TG: variants seen among roughly 807,000 people sequenced by gnomAD.
TG encodes the protein thyroid hormones.
A neutral mutation model predicts 324.7 loss-of-function variants in TG; 270 were observed. The ratio of observed to expected loss-of-function variants is 0.83; its 90% CI spans 0.75 to 0.92. TG has a LOEUF of 0.92. Among genes scored for constraint, TG ranks in the 40% least tolerant of loss-of-function variants. TG has a pLI of 0.00. For missense variants in TG, 3,591 were observed against 3,456.4 expected (o/e 1.04, Z -0.98); for synonymous variants, 1,401 against 1,327.0 (o/e 1.06, Z -1.21).
In TG at chr8:132,988,919, G is replaced by A. The variant is rs189710775; in HGVS notation, c.6262+5507G>A. On this transcript the variant is annotated intron_variant, in intron 35 of 47. Transcript: ENST00000220616. ...GAGGTGTGTATTAGTTCATTTTCAC[G>A]TTGCTCATAAAGACATACCCGAGAC... The A allele has an allele frequency of 1.1e-5, 11 of 983,628 alleles. No homozygotes were observed. In the South Asian group the frequency reaches 1.9e-4, roughly 17 times the overall value. 60.9% of individuals were successfully genotyped at this position (983,628 alleles called of 1,614,324 possible). A position where few individuals can be genotyped will look rare whatever the true frequency, so the allele number is the denominator to read the frequency against.
intron 13 of TG, 80 bp from the exon 14 acceptor site, chr8:132,898,718 A>C: frequency 8.1e-7 from 1 of 1,241,678 alleles, no homozygotes; most frequent in Non-Finnish European, 1.2e-6. Context: ...CATGACCCTT[A>C]AAGGTGGGGT....
intron 41 of TG, among the ~76,000 whole-genome samples, chr8:133,066,876 G>T (rs1231048983): frequency 6.6e-6 from 1 of 152,192 alleles, no homozygotes; most frequent in Non-Finnish European, 1.5e-5. Flanking sequence ...TGCAGGGGCT[G>T]GGGGGTTGGC....
intron 27 of TG, among the ~76,000 whole-genome samples, chr8:132,951,187 A>C (rs1006389261): frequency 5.3e-5 from 8 of 152,166 alleles, no homozygotes; most frequent in African/African-American, 1.7e-4. Context: ...CATATTTTAA[A>C]AACTGAATTG....
rs769161401 is a variant in TG, at chr8:132,900,234, C to T, written c.3331-3C>T. 3.1e-6 allele frequency: 5 copies of T among 1,613,596 alleles called. No individual in the cohort carries two copies. Among genetic ancestry groups the T allele is most frequent in the East Asian group, 2.2e-5 (1 of 44,872 alleles). On this transcript the variant is annotated splice_region_variant and splice_polypyrimidine_tract_variant and intron_variant, in intron 14 of 47. Coordinates refer to ENST00000220616, the MANE Select transcript of TG (RefSeq NM_003235.5). ...GACTGACATGACCCCGGCTTTGTCT[C>T]AGACAGGAGAGTATGCCAGGCTGCA... is the stretch of plus-strand genomic sequence containing the variant.
chr8:132,937,354 G>A (rs943619819), intron 25 of TG, among the ~76,000 whole-genome samples: 2 of 152,192 alleles, frequency 1.3e-5, no homozygotes, highest in African/African-American at 2.4e-5. Flanking sequence ...TAGCAATTGC[G>A]AGCCCACAGC....
At chr8:132,932,494 A>C (rs1434729727) in intron 23 of TG, among the ~76,000 whole-genome samples, 2 of 152,230 alleles carry the variant, frequency 1.3e-5, no homozygotes, top group East Asian at 3.8e-4. Flanking sequence ...TCCCATCTCT[A>C]AATTTACCTC....
In TG at chr8:133,054,526, C is replaced by T. The variant is rs760309221; in HGVS notation, c.7239+24503C>T. Among the ~76,000 whole-genome samples the T allele has an allele frequency of 2.0e-4, 30 of 152,290 alleles. 1 individual carries two copies. The highest frequency in any genetic ancestry group is 2.4e-5 in the African/African-American group (1 of 41,566). On this transcript the variant is annotated intron_variant, in intron 41 of 47. Coordinates refer to ENST00000220616, the MANE Select transcript of TG (RefSeq NM_003235.5). ...AGGATTGAGTGAAGGATTCAGGATG[C>T]ATTGCATTTTAGGGCCTGCCTTAGT...
At chr8:132,946,553 C>T (rs1421832703) in intron 26 of TG, among the ~76,000 whole-genome samples, 2 of 152,158 alleles carry the variant, frequency 1.3e-5, no homozygotes, top group South Asian at 2.1e-4. Context: ...CATCCTTTAC[C>T]ACAGTCTGGA....
At position 132,933,585 on chromosome 8, in the gene TG, G is replaced by T. The variant is rs1823121703; in HGVS notation, c.4841G>T (p.Ser1614Ile). Residue 1614 changes from serine (S) to isoleucine (I), a missense_variant, in exon 24 of 48, where the codon AGC becomes ATC. Coordinates refer to ENST00000220616, the MANE Select transcript of TG (RefSeq NM_003235.5). The part of the protein sequence containing the change: ...LTDCTEDEAC[S>I]FFTVSTTEPE... ...GATTGCACAGAGGACGAGGCCTGCAGCTTCTTCACCGTGTCCACGACGGAG... is the reference window on the plus strand; with the variant it reads ...GATTGCACAGAGGACGAGGCCTGCATCTTCTTCACCGTGTCCACGACGGAG... 7 of 1,614,012 alleles carry T rather than the reference G, an allele frequency of 4.3e-6. No homozygotes were observed. The highest frequency in any genetic ancestry group is 1.3e-5 in the African/African-American group (1 of 74,880).
chr8:132,896,566 C>T (rs1053960900), intron 11 of TG, among the ~76,000 whole-genome samples: 2 of 152,148 alleles, frequency 1.3e-5, no homozygotes, highest in Admixed American at 1.3e-4. Context: ...GGAGAAAGAG[C>T]TCAGGCGACA....
intron 39 of TG, 78 bp downstream of exon 39, chr8:133,019,773 C>G: frequency 7.9e-7 from 1 of 1,259,176 alleles, no homozygotes; most frequent in Non-Finnish European, 1.1e-6. Flanking sequence ...GTGGCCAGCA[C>G]AGTTCAGTCT....
chr8:133,057,336 T>C (rs906315766), intron 41 of TG, among the ~76,000 whole-genome samples: 7 of 152,216 alleles, frequency 4.6e-5, no homozygotes, highest in African/African-American at 1.7e-4. Flanking sequence ...GTACTGCCCA[T>C]GTCTGGTACA....
chr8:132,893,865 G>A lies in TG; in HGVS notation c.2937G>A (p.Arg979=), dbSNP rs566642935. 3 of 1,614,072 alleles carry A rather than the reference G, an allele frequency of 1.9e-6. No homozygotes were observed. The highest frequency in any genetic ancestry group is 2.2e-5 in the East Asian group (1 of 44,888). ...GCCTTCCTCCGCTCTTCCCGCCCCG[G>A]GAGGCTTTCGCGGAGCAGTTTCTGC... is the stretch of plus-strand genomic sequence containing the variant. The part of the protein sequence containing the change: ...DLGLPPLFPP[R]EAFAEQFLRG... Residue 979 remains arginine (R), a synonymous_variant, in exon 11 of 48, where the codon CGG becomes CGA. Transcript: ENST00000220616.
At chr8:132,999,645 G>A (rs1833253444) in intron 35 of TG, among the ~76,000 whole-genome samples, 1 of 152,206 alleles carries the variant, frequency 6.6e-6, no homozygotes, top group Non-Finnish European at 1.5e-5. Flanking sequence ...GCCTAGGAGT[G>A]AAGAATAGGC....
At chr8:132,889,216 G>T (rs1299787405) in intron 10 of TG, among the ~76,000 whole-genome samples, 1 of 152,196 alleles carries the variant, frequency 6.6e-6, no homozygotes, top group Non-Finnish European at 1.5e-5. Flanking sequence ...CCCCTCAGCT[G>T]TGCCAGCAGT....
intron 43 of TG, among the ~76,000 whole-genome samples, chr8:133,108,102 C>T (rs936111882): frequency 2.0e-5 from 3 of 151,552 alleles, no homozygotes; most frequent in Non-Finnish European, 4.4e-5. Context: ...CTACCTCAGC[C>T]TCCCAAGTAG....
At chr8:132,917,654 G>C (rs563177179) in intron 20 of TG, among the ~76,000 whole-genome samples, 5 of 151,934 alleles carry the variant, frequency 3.3e-5, no homozygotes, top group African/African-American at 1.2e-4. Context: ...TTAAGCTGGA[G>C]AGAGAGAGGA....
At chr8:133,046,777 T>C (rs1036003624) in intron 41 of TG, among the ~76,000 whole-genome samples, 4 of 152,122 alleles carry the variant, frequency 2.6e-5, no homozygotes, top group Non-Finnish European at 4.4e-5. Context: ...CATATTTGGG[T>C]TTTTTAGAGA....
At chr8:132,961,435 A>T (rs1017506685) in intron 28 of TG, among the ~76,000 whole-genome samples, 1 of 152,180 alleles carries the variant, frequency 6.6e-6, no homozygotes, top group African/African-American at 2.4e-5. Context: ...TTTCACCCTG[A>T]GGCCCAGGGA....
Sources: gnomAD v4.1 joint callset for allele counts (sites outside exome capture counted in the v4.1 genomes callset) on GRCh38, gnomAD v4.1.1 for gene constraint, MANE v1.5 for transcripts, NCBI Gene and HGNC (gene_info 2026-07-23, HGNC 2026-07-21) for gene names.